Variants in PRMT8 observed in about 807,000 individuals in gnomAD.
PRMT8 encodes protein arginine methyltransferase 8.
A neutral mutation model predicts 47.1 loss-of-function variants in PRMT8; 7 were observed. The observed-to-expected ratio is 0.15, with a 90% CI of 0.08 to 0.28. PRMT8 has a LOEUF of 0.28. Ranked by LOEUF, PRMT8 falls within the 10% of genes least tolerant of loss-of-function variation. The pLI is 1.00. For missense variants in PRMT8, 237 were observed against 505.4 expected (o/e 0.47, Z 5.09); for synonymous variants, 188 against 186.5 (o/e 1.01, Z -0.07).
At chr12:3,482,706 C>G (rs58302656) in intron 1 of PRMT8, among the ~76,000 whole-genome samples, 2 of 152,020 alleles carry the variant, frequency 1.3e-5, no homozygotes, top group African/African-American at 2.4e-5. Context: ...TGTATGTGTG[C>G]CTGAGAGTTG....
chr12:3,543,607 C>T (rs1038959280), intron 2 of PRMT8, among the ~76,000 whole-genome samples: 1 of 152,148 alleles, frequency 6.6e-6, no homozygotes, highest in Admixed American at 6.5e-5. Flanking sequence ...TTTGATTGAT[C>T]TGTAAATACA....
In PRMT8 at chr12:3,572,219, G is replaced by A. The variant is rs1243711511; in HGVS notation, c.712+2655G>A. Among the ~76,000 whole-genome samples, 1 of 152,044 alleles carries A rather than the reference G, an allele frequency of 6.6e-6. No homozygotes were observed. The highest frequency in any genetic ancestry group is 1.5e-5 in the Non-Finnish European group (1 of 68,010). Reference sequence around the variant, plus strand: ...AGAGATAAATATCTGGCATATACTAGGCTCACAATACATAATTTTAACGAA... The same window carrying A: ...AGAGATAAATATCTGGCATATACTAAGCTCACAATACATAATTTTAACGAA... On this transcript the variant is annotated intron_variant, in intron 6 of 9. Coordinates refer to ENST00000382622, the MANE Select transcript of PRMT8 (RefSeq NM_019854.5). The surrounding 1 kb of genome is among the most constrained non-coding windows in gnomAD (Gnocchi z 5.9).
intron 1 of PRMT8, among the ~76,000 whole-genome samples, chr12:3,440,094 T>C (rs979970944): frequency 2.0e-5 from 3 of 152,024 alleles, no homozygotes; most frequent in African/African-American, 7.3e-5. Context: ...TACATGGGGG[T>C]CCCCACACAG....
intron 1 of PRMT8, among the ~76,000 whole-genome samples, chr12:3,466,524 A>G (rs1865098712): frequency 1.3e-5 from 2 of 152,284 alleles, no homozygotes; most frequent in South Asian, 4.2e-4. Context: ...CTAGCCCAAG[A>G]AAAATGGAGG....
At chr12:3,428,065 C>A (rs1490963799) in intron 1 of PRMT8, among the ~76,000 whole-genome samples, 2 of 152,140 alleles carry the variant, frequency 1.3e-5, no homozygotes, top group African/African-American at 2.4e-5. Context: ...GTATAGATGG[C>A]TTTTTAATTT....
intron 1 of PRMT8, among the ~76,000 whole-genome samples, chr12:3,529,920 G>A (rs1035515646): frequency 6.6e-6 from 1 of 152,152 alleles, no homozygotes; most frequent in African/African-American, 2.4e-5. Flanking sequence ...TGTACTACAC[G>A]GGTGCAAAGA....
chr12:3,591,729 T>C (rs1488881539), intron 8 of PRMT8, among the ~76,000 whole-genome samples: 1 of 152,134 alleles, frequency 6.6e-6, no homozygotes, highest in Admixed American at 6.5e-5. Flanking sequence ...GAGGACCAAG[T>C]ACCTGCCATA....
intron 1 of PRMT8, among the ~76,000 whole-genome samples, chr12:3,427,571 T>C (rs1864618557): frequency 6.6e-6 from 1 of 152,088 alleles, no homozygotes; most frequent in Non-Finnish European, 1.5e-5. Context: ...TATTTTACTT[T>C]CCTTACACAC....
At chr12:3,584,385 G>A (rs932370568) in intron 8 of PRMT8, among the ~76,000 whole-genome samples, 2 of 152,146 alleles carry the variant, frequency 1.3e-5, no homozygotes, top group Non-Finnish European at 2.9e-5. Flanking sequence ...TGGAGGGGGG[G>A]ACAATTCAGG....
At chr12:3,392,461 G>C (rs1864202559) in intron 1 of PRMT8, among the ~76,000 whole-genome samples, 2 of 149,292 alleles carry the variant, frequency 1.3e-5, no homozygotes, top group African/African-American at 2.5e-5. Flanking sequence ...AATATGCGGT[G>C]TTTGGTTTTT....
chr12:3,514,727 G>T lies in PRMT8; in HGVS notation c.75+23027G>T, dbSNP rs1192299437. ...ACAGGAGCACCAGTGGGAGGGTGGG[G>T]GAGGGAGGGGCATTGATTCCCTCGG... On this transcript the variant is annotated intron_variant, in intron 1 of 9. Coordinates refer to ENST00000382622, the MANE Select transcript of PRMT8 (RefSeq NM_019854.5). This position sits in a 1 kb window ranked among gnomAD's most constrained non-coding sequence, Gnocchi z 5.9. 2.0e-5 allele frequency among the ~76,000 whole-genome samples: 3 copies of T among 152,110 alleles called. No individual in the cohort carries two copies. Among genetic ancestry groups the T allele is most frequent in the Non-Finnish European group, 4.4e-5 (3 of 68,022 alleles).
intron 1 of PRMT8, among the ~76,000 whole-genome samples, chr12:3,404,486 A>G (rs1864353462): frequency 6.6e-6 from 1 of 152,244 alleles, no homozygotes; most frequent in South Asian, 2.1e-4. Context: ...AAGAAATAGA[A>G]CATTAGAGAA....
chr12:3,486,021 T>C (rs558215596), intron 1 of PRMT8, among the ~76,000 whole-genome samples: 1 of 152,326 alleles, frequency 6.6e-6, no homozygotes. Flanking sequence ...GTCAGCCCTA[T>C]GCTAAGGCAG....
chr12:3,487,098 T>G (rs1865330173), upstream of PRMT8, among the ~76,000 whole-genome samples: 1 of 152,196 alleles, frequency 6.6e-6, no homozygotes, highest in Admixed American at 6.5e-5. Flanking sequence ...AGCCTTGGCT[T>G]GGCTCCCATC....
intron 1 of PRMT8, among the ~76,000 whole-genome samples, chr12:3,454,710 T>TGCA (rs1183088802): frequency 6.6e-6 from 1 of 152,174 alleles, no homozygotes; most frequent in East Asian, 1.9e-4. Context: ...AAACCCAGCT[T>TGCA]GCAGCGCACT....
intron 1 of PRMT8, among the ~76,000 whole-genome samples, chr12:3,515,380 T>C (rs1865774831): frequency 6.6e-6 from 1 of 152,200 alleles, no homozygotes; most frequent in African/African-American, 2.4e-5. Context: ...ATGCAAATTG[T>C]CAGAGGGATA....
intron 1 of PRMT8, among the ~76,000 whole-genome samples, chr12:3,528,615 T>C (rs1372902458): frequency 6.6e-6 from 1 of 152,172 alleles, no homozygotes; most frequent in Non-Finnish European, 1.5e-5. Context: ...ACTAATTTCA[T>C]CATTTGTATC....
chr12:3,482,415 CACTA>C (rs1243710012), intron 1 of PRMT8, among the ~76,000 whole-genome samples: 31 of 152,310 alleles, frequency 2.0e-4, no homozygotes, highest in African/African-American at 6.3e-4. Flanking sequence ...GCTCAGGATG[CACTA>C]ACTAAGTCCT....
At chr12:3,398,563 G>A (rs1289813898) in intron 1 of PRMT8, among the ~76,000 whole-genome samples, 8 of 152,238 alleles carry the variant, frequency 5.3e-5, no homozygotes, top group Non-Finnish European at 4.4e-5. Context: ...GTTTCCTCAG[G>A]TGCATTCCAG....
Sources: allele counts gnomAD v4.1 joint callset (sites outside exome capture counted in the v4.1 genomes callset), GRCh38; gene constraint gnomAD v4.1.1; non-coding constraint Gnocchi (gnomAD v3.1); transcripts MANE v1.5; gene names NCBI Gene and HGNC (gene_info 2026-07-23, HGNC 2026-07-21).